Variants in PPM1E observed in about 807,000 individuals in gnomAD.
The protein encoded by PPM1E is protein phosphatase 1E.
In PPM1E, 20 loss-of-function variants were observed where a neutral mutation model predicts 65.9. The ratio of observed to expected loss-of-function variants is 0.30; its 90% CI spans 0.21 to 0.44. PPM1E has a LOEUF of 0.44. PPM1E is among the 20% of genes least tolerant of loss of function. PPM1E has a pLI of 1.00. For synonymous variants in PPM1E, 352 were observed against 374.9 expected, an observed-to-expected ratio of 0.94 and a Z score of 0.70; for missense variants, 713 against 953.1, an observed-to-expected ratio of 0.75 and a Z score of 3.32.
rs2051554228 is a variant in PPM1E at position 58,906,030 on chromosome 17, T to A, written c.465-49619T>A. Among the ~76,000 whole-genome samples, 2 of 152,232 alleles carry A rather than the reference T, an allele frequency of 1.3e-5. 1 individual carries two copies. Among genetic ancestry groups the A allele is most frequent in the Non-Finnish European group, 2.9e-5 (2 of 68,036 alleles). ...TTTAGACCTATTCAGATAGTTTAAT[T>A]CTTGGCAGATTGAGTCTTGCAAGGA... On this transcript the variant is annotated intron_variant, in intron 1 of 6. Transcript: ENST00000308249.
intron 1 of PPM1E, among the ~76,000 whole-genome samples, chr17:58,799,438 C>T (rs2050238080): frequency 6.6e-6 from 1 of 150,972 alleles, no homozygotes; most frequent in African/African-American, 2.4e-5. Flanking sequence ...TGTGCCACCA[C>T]ACTCAGTTAC....
chr17:58,968,048 C>A (rs1348644520), intron 3 of PPM1E, among the ~76,000 whole-genome samples: 1 of 152,066 alleles, frequency 6.6e-6, no homozygotes, highest in East Asian at 1.9e-4. Context: ...GTGATCTGCC[C>A]GCCTTGGCCT....
At chr17:58,977,447 A>G (rs1211566597) in intron 6 of PPM1E, among the ~76,000 whole-genome samples, 1 of 152,044 alleles carries the variant, frequency 6.6e-6, no homozygotes, top group African/African-American at 2.4e-5. Context: ...TCTCAAAAAA[A>G]AAAAAAAAAG....
At chr17:58,923,911 CTTTT>C (rs751578623) in intron 1 of PPM1E, among the ~76,000 whole-genome samples, 4 of 64,842 alleles carry the variant, frequency 6.2e-5, no homozygotes, top group Admixed American at 2.0e-4. Context: ...AAGACCCCCT[CTTTT>C]TTTTTTTTTT....
At chr17:58,882,123 TATC>T (rs1278407270) in intron 1 of PPM1E, among the ~76,000 whole-genome samples, 3 of 151,850 alleles carry the variant, frequency 2.0e-5, no homozygotes, top group Admixed American at 6.6e-5. Flanking sequence ...AGTGAGCCAT[TATC>T]ATGTCACTGC....
chr17:58,893,616 G>T (rs2051375509), intron 1 of PPM1E, among the ~76,000 whole-genome samples: 1 of 152,202 alleles, frequency 6.6e-6, no homozygotes, highest in Non-Finnish European at 1.5e-5. Flanking sequence ...TAATAATGAT[G>T]TGGAATTTGG....
intron 1 of PPM1E, among the ~76,000 whole-genome samples, chr17:58,762,123 C>T (rs900746899): frequency 6.6e-6 from 1 of 152,128 alleles, no homozygotes; most frequent in African/African-American, 2.4e-5. Flanking sequence ...TTTATCTGTG[C>T]CTGAGTAAAT....
At chr17:58,878,864 C>T (rs549921714) in intron 1 of PPM1E, among the ~76,000 whole-genome samples, 1,725 of 149,944 alleles carry the variant, frequency 0.012, 14 homozygotes, top group Middle Eastern at 0.041. Flanking sequence ...ACCTGGGAGG[C>T]GGACACTCCA....
chr17:58,849,397 T>C (rs1372458633), intron 1 of PPM1E, among the ~76,000 whole-genome samples: 1 of 152,210 alleles, frequency 6.6e-6, no homozygotes, highest in Non-Finnish European at 1.5e-5. Flanking sequence ...CTGCTTTCTC[T>C]TGTGGGCATT....
chr17:58,846,336 T>C (rs936755014), intron 1 of PPM1E, among the ~76,000 whole-genome samples: 1 of 152,168 alleles, frequency 6.6e-6, no homozygotes, highest in African/African-American at 2.4e-5. Context: ...TTGTTACATA[T>C]GTATATGTGT....
At chr17:58,781,972 T>TA in intron 1 of PPM1E, among the ~76,000 whole-genome samples, 1 of 152,322 alleles carries the variant, frequency 6.6e-6, no homozygotes, top group East Asian at 1.9e-4. Context: ...TTACTTATTA[T>TA]GTTTTAAGTT....
At chr17:58,791,300 A>G (rs543346451) in intron 1 of PPM1E, among the ~76,000 whole-genome samples, 1 of 152,326 alleles carries the variant, frequency 6.6e-6, no homozygotes, top group South Asian at 2.1e-4. Context: ...TCAGATTATG[A>G]TAAATGCTAT....
intron 1 of PPM1E, among the ~76,000 whole-genome samples, chr17:58,758,197 T>A (rs928274535): frequency 2.6e-5 from 4 of 151,898 alleles, no homozygotes; most frequent in Non-Finnish European, 5.9e-5. Context: ...TTTTTTTTTT[T>A]AACTTATTTA....
At chr17:58,888,080 G>A (rs1262418084) in intron 1 of PPM1E, among the ~76,000 whole-genome samples, 1 of 152,126 alleles carries the variant, frequency 6.6e-6, no homozygotes, top group Non-Finnish European at 1.5e-5. Context: ...ATGGAGAAGA[G>A]CAAGCTTAAA....
In PPM1E at chr17:58,831,712, CT is replaced by C. The variant is rs536111364; in HGVS notation, c.464+75252del. 3.3e-5 allele frequency among the ~76,000 whole-genome samples: 5 copies of C among 152,294 alleles called. No homozygotes were observed. The East Asian group carries it at 9.6e-4, about 29-fold the overall frequency. On this transcript the variant is annotated intron_variant, in intron 1 of 6. Coordinates refer to ENST00000308249, the MANE Select transcript of PPM1E (RefSeq NM_014906.5). Reference sequence around the variant, plus strand: ...CAGCTAGATTCTTGATGTCATCCCCCTATTGGACAGTTTGGACTCAGCTTTC... The same window carrying C: ...CAGCTAGATTCTTGATGTCATCCCCCATTGGACAGTTTGGACTCAGCTTTC...
At chr17:58,906,808 A>G (rs1342847638) in intron 1 of PPM1E, among the ~76,000 whole-genome samples, 1 of 152,028 alleles carries the variant, frequency 6.6e-6, no homozygotes, top group Non-Finnish European at 1.5e-5. Context: ...TATGCACTTA[A>G]TGTTACCAAT....
chr17:58,810,600 C>CT (rs2050357431), intron 1 of PPM1E, among the ~76,000 whole-genome samples: 1 of 152,174 alleles, frequency 6.6e-6, no homozygotes, highest in East Asian at 1.9e-4. Flanking sequence ...TGCCGTCAGC[C>CT]TAATCATTCA....
At chr17:58,962,551 G>T (rs529551383) in intron 2 of PPM1E, among the ~76,000 whole-genome samples, 2 of 152,136 alleles carry the variant, frequency 1.3e-5, no homozygotes, top group African/African-American at 2.4e-5. Context: ...GCATTTGGGG[G>T]CCTATACTGC....
At chr17:58,950,802 G>A (rs1478969479) in intron 1 of PPM1E, among the ~76,000 whole-genome samples, 31 of 133,946 alleles carry the variant, frequency 2.3e-4, no homozygotes, top group African/African-American at 7.8e-4. Flanking sequence ...TTTTTGAGAC[G>A]GAGTCTTGCT....
Sources: gnomAD v4.1 joint callset for allele counts (sites outside exome capture counted in the v4.1 genomes callset) on GRCh38, gnomAD v4.1.1 for gene constraint, MANE v1.5 for transcripts, NCBI Gene and HGNC (gene_info 2026-07-23, HGNC 2026-07-21) for gene names.